STK17A: variants seen among roughly 807,000 people sequenced by gnomAD.
The protein encoded by STK17A is serine/threonine kinase 17a, also known as serine/threonine-protein kinase 17A.
Under a neutral mutation model 43.7 loss-of-function variants are expected in STK17A, and 26 were observed. The observed-to-expected ratio is 0.60, with a 90% CI of 0.44 to 0.83. The LOEUF (loss-of-function observed/expected upper bound fraction) is 0.83. Among genes scored for constraint, STK17A ranks in the 40% least tolerant of loss-of-function variants. The pLI, the probability that STK17A is intolerant of heterozygous loss-of-function variation, is 0.00. For synonymous variants in STK17A, 191 were observed against 182.5 expected, an observed-to-expected ratio of 1.05 and a Z score of -0.38; for missense variants, 476 against 511.6, an observed-to-expected ratio of 0.93 and a Z score of 0.67.
intron 3 of STK17A, among the ~76,000 whole-genome samples, chr7:43,614,691 G>C (rs1386312937): frequency 6.6e-6 from 1 of 152,184 alleles, no homozygotes; most frequent in Non-Finnish European, 1.5e-5. Context: ...TGAGAAATGT[G>C]TTTATTCTAG....
At chr7:43,616,454 CAA>C (rs996583020) in intron 3 of STK17A, among the ~76,000 whole-genome samples, 3 of 152,126 alleles carry the variant, frequency 2.0e-5, no homozygotes, top group Non-Finnish European at 4.4e-5. Context: ...ATCACAGTGA[CAA>C]AAGAGTAATC....
At chr7:43,600,977 A>T (rs909488408) in intron 2 of STK17A, among the ~76,000 whole-genome samples, 3 of 152,242 alleles carry the variant, frequency 2.0e-5, no homozygotes, top group Non-Finnish European at 4.4e-5. Flanking sequence ...CCATGTAGCA[A>T]AAAGGTAGAA....
chr7:43,593,678 A>G (rs1280937742), intron 1 of STK17A, among the ~76,000 whole-genome samples: 5 of 149,366 alleles, frequency 3.3e-5, no homozygotes, highest in African/African-American at 1.2e-4. Flanking sequence ...TGCTCTTTTG[A>G]AAAAATGTCT....
Position 43,608,356 on chromosome 7 carries a change from G to A in STK17A, c.520G>A (p.Val174Ile), listed in dbSNP as rs746632915. ...ACTTATGCGACAGATTTTAGAAGGT[G>A]TTCACTTTTTACACACTCGTGATGT... ...QRLMRQILEG[V>I]HFLHTRDVVH... is the part of the protein sequence containing the mutation. Residue 174 changes from valine (V) to isoleucine (I), a missense_variant, in exon 3 of 7, where the codon GTT becomes ATT. Coordinates refer to ENST00000319357, the MANE Select transcript of STK17A (RefSeq NM_004760.3). 7 of 1,613,886 alleles carry A rather than the reference G, an allele frequency of 4.3e-6. No homozygotes were observed. Among genetic ancestry groups the A allele is most frequent in the African/African-American group, 1.3e-5 (1 of 75,034 alleles).
intron 4 of STK17A, among the ~76,000 whole-genome samples, chr7:43,621,383 T>C (rs1185453822): frequency 6.6e-6 from 1 of 152,210 alleles, no homozygotes; most frequent in Non-Finnish European, 1.5e-5. Context: ...CATTGTAAGC[T>C]CAAATACACA....
intron 6 of STK17A, 78 bp from the exon 7 acceptor site, chr7:43,624,440 C>A: frequency 7.4e-7 from 1 of 1,350,480 alleles, no homozygotes; most frequent in Non-Finnish European, 9.8e-7. Flanking sequence ...AAATATAATG[C>A]AATAAATACA....
chr7:43,623,752 C>A lies in STK17A; in HGVS notation c.784C>A (p.Pro262Thr). 6.2e-7 allele frequency: 1 copy of A among 1,606,628 alleles called. No individual in the cohort carries two copies. Among genetic ancestry groups the A allele is most frequent in the Non-Finnish European group, 8.5e-7 (1 of 1,177,532 alleles). Residue 262 changes from proline to threonine, a missense_variant, in exon 6 of 7, where the codon CCT (proline) becomes ACT (threonine). Coordinates refer to ENST00000319357, the MANE Select transcript of STK17A (RefSeq NM_004760.3). The stretch of plus-strand genomic sequence containing the variant: ...ATATGTCATGCTTACAGGAATATCA[C>A]CTTTCTTAGGCAATGATAAACAAGA... ...LTYVMLTGISPFLGNDKQETF... is the reference protein window; with the variant it reads ...LTYVMLTGISTFLGNDKQETF...
At position 43,583,114 on chromosome 7, in the gene STK17A, C is replaced by G. The variant is rs1326773507; in HGVS notation, c.-130C>G. ...TACCGGTAGTCTGCCTGCCGCAGTC[C>G]GAGCGCCGCGCTGGGGAGAGCGGGT... On this transcript the variant is annotated 5_prime_UTR_variant, in exon 1 of 7. Transcript: ENST00000319357. 2 of 1,000,728 alleles carry G rather than the reference C, an allele frequency of 2.0e-6. No homozygotes were observed. The highest frequency in any genetic ancestry group is 1.6e-5 in the South Asian group (1 of 61,510). The allele number at this position is 1,000,728 out of a possible 1,614,324, so 62.0% of individuals were successfully genotyped here. A position where few individuals can be genotyped will look rare whatever the true frequency, so the allele number is the denominator to read the frequency against.
intron 1 of STK17A, among the ~76,000 whole-genome samples, chr7:43,583,728 G>A (rs2152969938): frequency 6.6e-6 from 1 of 152,318 alleles, no homozygotes; most frequent in African/African-American, 2.4e-5. Flanking sequence ...GTTCTCTGTG[G>A]CGTTTCGAAT....
intron 1 of STK17A, among the ~76,000 whole-genome samples, chr7:43,585,975 T>C (rs2082436531): frequency 6.6e-6 from 1 of 151,618 alleles, no homozygotes; most frequent in African/African-American, 2.4e-5. Flanking sequence ...AAGCAGTCCT[T>C]GTTTAAGTTT....
chr7:43,591,337 T>G (rs947665882), intron 1 of STK17A, among the ~76,000 whole-genome samples: 2 of 151,514 alleles, frequency 1.3e-5, no homozygotes, highest in African/African-American at 2.4e-5. Flanking sequence ...GAAATTAAAT[T>G]TCAGTGTAAA....
At chr7:43,619,815 C>T in intron 4 of STK17A, 92 bp downstream of exon 4, 4 of 1,419,242 alleles carry the variant, frequency 2.8e-6, no homozygotes, top group Non-Finnish European at 2.9e-6. Flanking sequence ...GTGGAGCCAG[C>T]TATCTACTAT....
chr7:43,599,649 G>A (rs1353511957), intron 2 of STK17A, among the ~76,000 whole-genome samples: 1 of 152,142 alleles, frequency 6.6e-6, no homozygotes, highest in Non-Finnish European at 1.5e-5. Flanking sequence ...GAACCAATAG[G>A]ATATGTGTAT....
In STK17A at chr7:43,595,893, A is replaced by G. The variant is rs748413196; in HGVS notation, c.207-8A>G. The G allele has an allele frequency of 6.2e-7, 1 of 1,609,984 alleles. No homozygotes were observed. The highest frequency in any genetic ancestry group is 8.5e-7 in the Non-Finnish European group (1 of 1,178,158). On this transcript the variant is annotated splice_polypyrimidine_tract_variant and splice_region_variant and intron_variant, in intron 1 of 6. Transcript: ENST00000319357. ...ACTTTAACAGTGAATGTTTTTGTTT[A>G]ATTCTAGGGGGAAATTTGCAGTGGT...
At chr7:43,619,860 G>C (rs1262797707) in intron 4 of STK17A, 137 bp downstream of exon 4, 4 of 1,202,620 alleles carry the variant, frequency 3.3e-6, no homozygotes, top group Non-Finnish European at 4.6e-6. Flanking sequence ...TATTCCTTTG[G>C]ATTACATTTT....
intron 4 of STK17A, among the ~76,000 whole-genome samples, chr7:43,620,846 GC>G (rs1424588148): frequency 6.6e-6 from 1 of 152,278 alleles, no homozygotes; most frequent in East Asian, 1.9e-4. Flanking sequence ...CACCTAGGCT[GC>G]CAGCAGACCT....
At chr7:43,611,063 G>A (rs1376547363) in intron 3 of STK17A, among the ~76,000 whole-genome samples, 1 of 152,206 alleles carries the variant, frequency 6.6e-6, no homozygotes, top group African/African-American at 2.4e-5. Context: ...GTTGCAGTGA[G>A]CCGAGATTGC....
chr7:43,587,299 C>A (rs1453893971), intron 1 of STK17A, among the ~76,000 whole-genome samples: 1 of 150,428 alleles, frequency 6.6e-6, no homozygotes, highest in South Asian at 2.1e-4. Context: ...GGACTATAGG[C>A]GCCTGCCACC....
At chr7:43,583,733 T>G (rs542796772) in intron 1 of STK17A, among the ~76,000 whole-genome samples, 1 of 152,218 alleles carries the variant, frequency 6.6e-6, no homozygotes, top group Non-Finnish European at 1.5e-5. Context: ...CTGTGGCGTT[T>G]CGAATGGCTA....
Sources: gnomAD v4.1 joint callset for allele counts (sites outside exome capture counted in the v4.1 genomes callset) on GRCh38, gnomAD v4.1.1 for gene constraint, MANE v1.5 for transcripts, NCBI Gene and HGNC (gene_info 2026-07-23, HGNC 2026-07-21) for gene names.